Variants in PDE4D observed in about 807,000 individuals in gnomAD.
The protein encoded by PDE4D is phosphodiesterase 4D, also known as 3',5'-cyclic-AMP phosphodiesterase 4D.
PDE4D carries 24 observed loss-of-function variants against 87.4 expected under a neutral mutation model. That is an observed-to-expected ratio of 0.27 (90% confidence interval 0.20 to 0.39). The LOEUF is 0.39. PDE4D is among the 10% of genes least tolerant of loss of function. PDE4D has a pLI of 1.00. For missense variants in PDE4D, 714 were observed against 1,041.0 expected, an observed-to-expected ratio of 0.69 and a Z score of 4.32; for synonymous variants, 384 against 383.2, an observed-to-expected ratio of 1.00 and a Z score of -0.02.
At position 59,930,494 on chromosome 5, in the gene PDE4D, TCCTA is replaced by T. The variant is rs1486674007; in HGVS notation, c.272+57990_272+57993del. Among the ~76,000 whole-genome samples the T allele has an allele frequency of 2.0e-5, 3 of 152,182 alleles. No individual in the cohort carries two copies. In the East Asian group the frequency reaches 5.8e-4, roughly 29 times the overall value. ...GGAGAGAGGCAAGGAAAGGACTCTT[TCCTA>T]AAGTCTCCAGAACCAACAAGTCCTG... On this transcript the variant is annotated intron_variant, in intron 3 of 16. Coordinates refer to the PDE4D transcript ENST00000502484.
chr5:59,668,900 GAAGAAGAAGAAGAAGAAGAAGA>G (rs751957887), intron 1 of PDE4D, among the ~76,000 whole-genome samples: 1,063 of 78,040 alleles, frequency 0.014, 67 homozygotes, highest in East Asian at 0.035. Context: ...AGAAGAAGAA[GAAGAAGAAGAAGAAGAAGAAGA>G]AAGAAAGAAA....
intron 1 of PDE4D, among the ~76,000 whole-genome samples, chr5:60,200,614 AATGCAAGT>A (rs1174917081): frequency 6.6e-6 from 1 of 152,188 alleles, no homozygotes; most frequent in African/African-American, 2.4e-5. Context: ...GATGACAGTC[AATGCAAGT>A]ATGCCAGACT....
intron 1 of PDE4D, among the ~76,000 whole-genome samples, chr5:59,274,790 A>G (rs976382915): frequency 6.6e-6 from 1 of 152,122 alleles, no homozygotes; most frequent in Non-Finnish European, 1.5e-5. Context: ...AACCAAAAAT[A>G]TAATTACTAG....
At chr5:59,407,648 T>C (rs1791933069) in intron 1 of PDE4D, among the ~76,000 whole-genome samples, 1 of 152,138 alleles carries the variant, frequency 6.6e-6, no homozygotes, top group South Asian at 2.1e-4. Flanking sequence ...ATCTGCAAAG[T>C]AAAGTCCGTG....
chr5:59,597,938 C>T (rs965830712), intron 1 of PDE4D, among the ~76,000 whole-genome samples: 13 of 152,038 alleles, frequency 8.6e-5, no homozygotes, highest in Admixed American at 2.0e-4. Context: ...ACTTTTAACT[C>T]GCCTACCTCT....
intron 2 of PDE4D, among the ~76,000 whole-genome samples, chr5:59,990,433 A>G (rs1035369273): frequency 6.8e-4 from 104 of 152,148 alleles, no homozygotes; most frequent in Non-Finnish European, 4.6e-4. Flanking sequence ...TTATATCTTG[A>G]AAAAAGGTAA....
At chr5:60,121,047 T>A (rs1019719566) in intron 2 of PDE4D, among the ~76,000 whole-genome samples, 2 of 152,134 alleles carry the variant, frequency 1.3e-5, no homozygotes, top group Non-Finnish European at 2.9e-5. Flanking sequence ...CTTTCTCCCA[T>A]GCTGGATGCT....
At chr5:59,624,773 T>G (rs1172957856) in intron 1 of PDE4D, among the ~76,000 whole-genome samples, 1 of 152,254 alleles carries the variant, frequency 6.6e-6, no homozygotes, top group Non-Finnish European at 1.5e-5. Context: ...CTTTGCAGTA[T>G]GATTTCTGCC....
chr5:59,050,536 T>C (rs756321043), intron 5 of PDE4D, among the ~76,000 whole-genome samples: 12 of 152,236 alleles, frequency 7.9e-5, no homozygotes, highest in Non-Finnish European at 1.3e-4. Context: ...CAGTTGTATA[T>C]GAACTGGCTC....
intron 1 of PDE4D, among the ~76,000 whole-genome samples, chr5:59,240,882 C>T (rs1320062067): frequency 6.6e-6 from 1 of 152,000 alleles, no homozygotes; most frequent in Non-Finnish European, 1.5e-5. Flanking sequence ...GTTAGATAAC[C>T]TGGCCTAAAA....
At chr5:59,982,957 G>A (rs1314553811) in intron 3 of PDE4D, among the ~76,000 whole-genome samples, 1 of 152,190 alleles carries the variant, frequency 6.6e-6, no homozygotes, top group Non-Finnish European at 1.5e-5. Flanking sequence ...TGTGAAAAAT[G>A]GGGATAGGTA....
At chr5:59,691,627 A>G (rs961175456) in intron 1 of PDE4D, among the ~76,000 whole-genome samples, 3 of 151,794 alleles carry the variant, frequency 2.0e-5, no homozygotes, top group African/African-American at 7.3e-5. Context: ...GTAAATGACA[A>G]GTTAACGGGT....
intron 5 of PDE4D, among the ~76,000 whole-genome samples, chr5:59,132,473 A>G (rs1026863735): frequency 3.9e-5 from 6 of 152,234 alleles, no homozygotes; most frequent in Non-Finnish European, 8.8e-5. Context: ...ATACATGTAA[A>G]TTGAAATAAA....
rs3060393 is a variant in PDE4D at position 59,029,431 on chromosome 5, A to AAC, written c.921+9427_921+9428insGT. On this transcript the variant is annotated intron_variant, in intron 6 of 14. Coordinates refer to ENST00000340635, the MANE Select transcript of PDE4D (RefSeq NM_001104631.2). ...GACTCCATCACAAAAAAAAAAAAAA[A>AAC]AAAAAACTTAGGAGCAAATCTAACC... Among the ~76,000 whole-genome samples the AAC allele has an allele frequency of 3.0e-3, 449 of 151,336 alleles. 4 individuals are homozygous for AAC. Among genetic ancestry groups the AAC allele is most frequent in the Middle Eastern group, 0.017 (5 of 294 alleles).
At chr5:59,435,171 T>C (rs1796625644) in intron 1 of PDE4D, among the ~76,000 whole-genome samples, 1 of 152,092 alleles carries the variant, frequency 6.6e-6, no homozygotes, top group African/African-American at 2.4e-5. Flanking sequence ...CATTTTTTCC[T>C]CCTCAAATCT....
chr5:59,706,192 T>C (rs1182638065), intron 1 of PDE4D, among the ~76,000 whole-genome samples: 2 of 152,160 alleles, frequency 1.3e-5, no homozygotes, highest in Non-Finnish European at 2.9e-5. Flanking sequence ...TATTTGGTTA[T>C]GGAGGATGTT....
At chr5:59,760,730 ATTAGTTT>A (rs921253617) in intron 1 of PDE4D, among the ~76,000 whole-genome samples, 1 of 152,204 alleles carries the variant, frequency 6.6e-6, no homozygotes, top group Admixed American at 6.5e-5. Flanking sequence ...ACCCATGAAT[ATTAGTTT>A]TTAATGGTTA....
intron 1 of PDE4D, among the ~76,000 whole-genome samples, chr5:59,310,874 A>C (rs255650): frequency 0.62 from 94,028 of 151,998 alleles, 29,986 homozygotes; most frequent in African/African-American, 0.75. Context: ...ACTGGGACCT[A>C]CAGTGCTATG....
At chr5:60,416,020 AT>A (rs1284963148) in intron 1 of PDE4D, among the ~76,000 whole-genome samples, 1 of 152,170 alleles carries the variant, frequency 6.6e-6, no homozygotes, top group Non-Finnish European at 1.5e-5. Flanking sequence ...GAATGCACCA[AT>A]CAGCACTCTG....
Sources: allele counts gnomAD v4.1 joint callset (sites outside exome capture counted in the v4.1 genomes callset), GRCh38; gene constraint gnomAD v4.1.1; transcripts MANE v1.5; gene names NCBI Gene and HGNC (gene_info 2026-07-23, HGNC 2026-07-21).